LRP1B: variants seen among roughly 807,000 people sequenced by gnomAD.
LRP1B encodes the protein low-density lipoprotein receptor-related protein 1B.
Under a neutral mutation model 556.6 loss-of-function variants are expected in LRP1B, and 217 were observed. The ratio of observed to expected loss-of-function variants is 0.39; its 90% CI spans 0.35 to 0.44. LRP1B has a LOEUF of 0.44. Ranked by LOEUF, LRP1B falls within the 20% of genes least tolerant of loss-of-function variation. LRP1B has a pLI of 1.00. For synonymous variants in LRP1B, 2,047 were observed against 1,865.8 expected (o/e 1.10, Z -2.50); for missense variants, 5,053 against 5,620.8 (o/e 0.90, Z 3.23).
At chr2:141,840,257 C>CTTTTT (rs565362139) in intron 1 of LRP1B, among the ~76,000 whole-genome samples, 52 of 84,232 alleles carry the variant, frequency 6.2e-4, no homozygotes, top group Non-Finnish European at 7.8e-4. Context: ...AACAAATTTC[C>CTTTTT]TTTTTTTTTT....
At chr2:140,277,003 G>T (rs1682699648) in intron 84 of LRP1B, among the ~76,000 whole-genome samples, 1 of 151,754 alleles carries the variant, frequency 6.6e-6, no homozygotes, top group African/African-American at 2.4e-5. Flanking sequence ...AAATAGATTT[G>T]ATTTGACCAA....
chr2:141,105,213 G>A (rs1700575041), intron 7 of LRP1B, among the ~76,000 whole-genome samples: 1 of 151,982 alleles, frequency 6.6e-6, no homozygotes, highest in African/African-American at 2.4e-5. Flanking sequence ...TCAAAATGTG[G>A]GGAAAAACTG....
intron 1 of LRP1B, among the ~76,000 whole-genome samples, chr2:141,879,456 G>A (rs185723942): frequency 6.6e-6 from 1 of 151,790 alleles, no homozygotes; most frequent in Admixed American, 6.6e-5. Context: ...AACAAAATCA[G>A]TTTTTTAAAA....
intron 2 of LRP1B, among the ~76,000 whole-genome samples, chr2:141,561,096 G>T (rs1013399129): frequency 1.3e-5 from 2 of 151,550 alleles, no homozygotes; most frequent in African/African-American, 4.8e-5. Flanking sequence ...TGAGCTTTTT[G>T]AAATGAGGGA....
chr2:140,530,814 G>T (rs1053184877), intron 47 of LRP1B, among the ~76,000 whole-genome samples: 1 of 152,070 alleles, frequency 6.6e-6, no homozygotes, highest in African/African-American at 2.4e-5. Context: ...TAAAAGAAAG[G>T]TTAAGGGAGA....
chr2:140,503,898 T>C (rs563352392), intron 53 of LRP1B, among the ~76,000 whole-genome samples: 2 of 152,198 alleles, frequency 1.3e-5, no homozygotes, highest in East Asian at 3.9e-4. Flanking sequence ...ACGGAAAATA[T>C]ACTCAATAAT....
intron 2 of LRP1B, among the ~76,000 whole-genome samples, chr2:141,506,632 T>C (rs1683942900): frequency 6.6e-6 from 1 of 152,088 alleles, no homozygotes; most frequent in African/African-American, 2.4e-5. Context: ...AGCCAGACAA[T>C]TTTTATAAAG....
intron 2 of LRP1B, among the ~76,000 whole-genome samples, chr2:141,586,399 T>C (rs994031692): frequency 6.6e-6 from 1 of 152,096 alleles, no homozygotes; most frequent in African/African-American, 2.4e-5. Context: ...ATTATGAAAA[T>C]AAAATGAAAG....
chr2:140,728,341 G>A (rs767263325), intron 35 of LRP1B, among the ~76,000 whole-genome samples: 29 of 152,108 alleles, frequency 1.9e-4, no homozygotes, highest in Admixed American at 2.6e-4. Flanking sequence ...CAGGTAACAC[G>A]TGAGAACTAA....
chr2:140,321,444 T>C (rs534736030), intron 82 of LRP1B, among the ~76,000 whole-genome samples: 1 of 151,796 alleles, frequency 6.6e-6, no homozygotes, highest in South Asian at 2.1e-4. Flanking sequence ...ATCATAATTA[T>C]CAAAGAATAA....
intron 1 of LRP1B, among the ~76,000 whole-genome samples, chr2:142,049,848 A>G (rs1370173923): frequency 1.3e-5 from 2 of 152,152 alleles, no homozygotes; most frequent in Non-Finnish European, 2.9e-5. Context: ...CTTTATGAGT[A>G]CAAAGATGAA....
At chr2:141,684,566 C>T (rs1022239546) in intron 2 of LRP1B, among the ~76,000 whole-genome samples, 29 of 151,694 alleles carry the variant, frequency 1.9e-4, no homozygotes, top group African/African-American at 7.0e-4. Flanking sequence ...AACAAACCTG[C>T]ACATTCTACA....
At chr2:141,223,142 TG>T (rs1336491444) in intron 6 of LRP1B, among the ~76,000 whole-genome samples, 2 of 152,078 alleles carry the variant, frequency 1.3e-5, no homozygotes, top group African/African-American at 4.8e-5. Context: ...AAAACCCCAT[TG>T]TCTCATCCCA....
chr2:141,173,012 A>G (rs1465356692), intron 7 of LRP1B, among the ~76,000 whole-genome samples: 1 of 151,734 alleles, frequency 6.6e-6, no homozygotes, highest in Non-Finnish European at 1.5e-5. Context: ...TTCCCTCTGG[A>G]ATAAATTACA....
At chr2:140,291,106 T>TATAA (rs896188041) in intron 84 of LRP1B, among the ~76,000 whole-genome samples, 4 of 151,430 alleles carry the variant, frequency 2.6e-5, no homozygotes, top group African/African-American at 7.3e-5. Context: ...TACACATGTT[T>TATAA]ACTGAGTGTG....
chr2:140,430,944 A>G (rs1685908421), intron 66 of LRP1B, among the ~76,000 whole-genome samples: 1 of 152,182 alleles, frequency 6.6e-6, no homozygotes, highest in Non-Finnish European at 1.5e-5. Flanking sequence ...GCCCTGAGTC[A>G]GAAAACTAAA....
intron 60 of LRP1B, among the ~76,000 whole-genome samples, chr2:140,473,534 A>G (rs1269849767): frequency 1.3e-5 from 2 of 151,920 alleles, no homozygotes; most frequent in Non-Finnish European, 2.9e-5. Context: ...AGCATTAGTC[A>G]CCATATAAGT....
chr2:141,696,350 T>C (rs952567223), intron 2 of LRP1B, among the ~76,000 whole-genome samples: 1 of 151,948 alleles, frequency 6.6e-6, no homozygotes, highest in East Asian at 1.9e-4. Context: ...CAAATAATCA[T>C]GCTGAAAAGC....
chr2:140,456,408 A>T (rs904053110), intron 62 of LRP1B, 47 bp downstream of exon 62: 1 of 1,553,740 alleles, frequency 6.4e-7, no homozygotes, highest in Non-Finnish European at 8.7e-7. Flanking sequence ...AAAAGAGCTG[A>T]TGTTTCACCA....
Sources: allele counts gnomAD v4.1 joint callset (sites outside exome capture counted in the v4.1 genomes callset), GRCh38; gene constraint gnomAD v4.1.1; transcripts MANE v1.5; gene names NCBI Gene and HGNC (gene_info 2026-07-23, HGNC 2026-07-21).